The following RBMS3 variants were observed in gnomAD, a reference collection of about 807,000 sequenced individuals.
RBMS3 encodes RNA binding motif single stranded interacting protein 3.
Under a neutral mutation model 66.8 loss-of-function variants are expected in RBMS3, and 27 were observed. The observed-to-expected ratio is 0.40, with a 90% confidence interval of 0.30 to 0.56. The LOEUF (loss-of-function observed/expected upper bound fraction) is 0.56, where lower values mean the gene tolerates loss of function less well. RBMS3 is among the 20% of genes least tolerant of loss of function. The pLI, the probability that RBMS3 is intolerant of heterozygous loss-of-function variation, is 0.40. For synonymous variants in RBMS3, 188 were observed against 183.0 expected, an observed-to-expected ratio of 1.03 and a Z score of -0.22; for missense variants, 513 against 549.5, an observed-to-expected ratio of 0.93 and a Z score of 0.66.
At chr3:29,598,643 T>G (rs11129368) in intron 4 of RBMS3, among the ~76,000 whole-genome samples, 48,158 of 151,888 alleles carry the variant, frequency 0.32, 8,743 homozygotes, top group African/African-American at 0.5. Flanking sequence ...TGATATTGCA[T>G]TCATTCCTGC....
chr3:29,511,116 T>C (rs2148955163), intron 3 of RBMS3, among the ~76,000 whole-genome samples: 1 of 152,080 alleles, frequency 6.6e-6, no homozygotes, highest in Non-Finnish European at 1.5e-5. Flanking sequence ...GCTAACATGG[T>C]GAAACTCTGC....
intron 4 of RBMS3, among the ~76,000 whole-genome samples, chr3:29,686,387 T>G (rs1484809092): frequency 6.6e-6 from 1 of 152,198 alleles, no homozygotes; most frequent in East Asian, 1.9e-4. Flanking sequence ...GTTCTGATAT[T>G]TTAAACAAAA....
chr3:29,931,326 G>GT (rs1367787899), intron 10 of RBMS3, among the ~76,000 whole-genome samples: 1 of 152,148 alleles, frequency 6.6e-6, no homozygotes, highest in African/African-American at 2.4e-5. Context: ...GGGGAAGGAG[G>GT]TATTAAGTGC....
intron 1 of RBMS3, among the ~76,000 whole-genome samples, chr3:29,295,703 G>T (rs1003358316): frequency 2.6e-5 from 4 of 151,428 alleles, no homozygotes; most frequent in African/African-American, 9.7e-5. Context: ...GTTTTTTATT[G>T]TCATATTAAT....
At chr3:29,995,079 G>A (rs1699129468) in intron 14 of RBMS3, among the ~76,000 whole-genome samples, 1 of 152,346 alleles carries the variant, frequency 6.6e-6, no homozygotes, top group South Asian at 2.1e-4. Context: ...AGTGCTTAAA[G>A]GAGCTGATGG....
At chr3:29,911,140 G>C (rs945110335) in intron 10 of RBMS3, among the ~76,000 whole-genome samples, 17 of 152,158 alleles carry the variant, frequency 1.1e-4, no homozygotes, top group African/African-American at 3.9e-4. Flanking sequence ...TCACAGAGGA[G>C]GTAACTCCTG....
At chr3:29,366,535 C>A (rs7641642) in intron 1 of RBMS3, among the ~76,000 whole-genome samples, 94,368 of 151,618 alleles carry the variant, frequency 0.62, 29,914 homozygotes, top group Non-Finnish European at 0.69. Flanking sequence ...TATGAGCCAC[C>A]AGGCTGAGCT....
chr3:29,995,153 A>T (rs1699135049), intron 14 of RBMS3, among the ~76,000 whole-genome samples: 1 of 152,228 alleles, frequency 6.6e-6, no homozygotes, highest in Admixed American at 6.5e-5. Flanking sequence ...CGATGCGATC[A>T]ACTGGAAGAA....
At chr3:29,331,192 A>G (rs562320948) in intron 1 of RBMS3, among the ~76,000 whole-genome samples, 1 of 152,116 alleles carries the variant, frequency 6.6e-6, no homozygotes, top group African/African-American at 2.4e-5. Context: ...ATCTCTCTGA[A>G]TACCTTTTTA....
intron 4 of RBMS3, among the ~76,000 whole-genome samples, chr3:29,615,493 C>T (rs895625187): frequency 2.0e-5 from 3 of 151,984 alleles, no homozygotes; most frequent in African/African-American, 7.2e-5. Flanking sequence ...CACACACACA[C>T]ACATAAAATG....
At chr3:29,332,043 G>A (rs998370008) in intron 1 of RBMS3, among the ~76,000 whole-genome samples, 13 of 151,884 alleles carry the variant, frequency 8.6e-5, no homozygotes, top group African/African-American at 2.7e-4. Context: ...CAGCTCCTCC[G>A]TAGTTGGTTG....
At chr3:29,347,411 A>G (rs1048376211) in intron 1 of RBMS3, among the ~76,000 whole-genome samples, 7 of 152,196 alleles carry the variant, frequency 4.6e-5, no homozygotes, top group African/African-American at 1.7e-4. Context: ...AAATTGATAG[A>G]GGAAAGGTCT....
At chr3:29,911,398 C>T (rs1001778411) in intron 10 of RBMS3, among the ~76,000 whole-genome samples, 1 of 152,076 alleles carries the variant, frequency 6.6e-6, no homozygotes, top group Non-Finnish European at 1.5e-5. Context: ...GAAGGTATCA[C>T]TTAATCATGA....
chr3:29,944,588 A>T (rs918068128), intron 12 of RBMS3, among the ~76,000 whole-genome samples: 11 of 151,810 alleles, frequency 7.2e-5, no homozygotes, highest in South Asian at 6.2e-4. Context: ...GAAAAGTGGG[A>T]AAATAATTTT....
In RBMS3 at chr3:29,353,371, T is replaced by A. The variant is rs2037036956; in HGVS notation, c.75+71615T>A. Among the ~76,000 whole-genome samples the A allele has an allele frequency of 2.6e-5, 4 of 152,016 alleles. No individual in the cohort carries two copies. The South Asian group carries it at 8.3e-4, about 31-fold the overall frequency. On this transcript the variant is annotated intron_variant, in intron 1 of 14. Transcript: ENST00000383767. Reference sequence around the variant, plus strand: ...GATATTTTTATTATCAGGAGTTTTTTATTATTAATATTAGACGAGCTCTGT... The same window carrying A: ...GATATTTTTATTATCAGGAGTTTTTAATTATTAATATTAGACGAGCTCTGT...
At chr3:29,363,387 C>G (rs1575619717) in intron 1 of RBMS3, among the ~76,000 whole-genome samples, 1 of 152,228 alleles carries the variant, frequency 6.6e-6, no homozygotes. Flanking sequence ...TACAGAGACT[C>G]TCTAATCCAA....
At chr3:29,748,269 A>G (rs1258570650) in intron 5 of RBMS3, among the ~76,000 whole-genome samples, 1 of 152,168 alleles carries the variant, frequency 6.6e-6, no homozygotes, top group Non-Finnish European at 1.5e-5. Flanking sequence ...AATAGAAAGG[A>G]AACAAAATTG....
intron 1 of RBMS3, among the ~76,000 whole-genome samples, chr3:29,352,551 G>C (rs2036978507): frequency 6.6e-6 from 1 of 152,022 alleles, no homozygotes; most frequent in African/African-American, 2.4e-5. Flanking sequence ...AGGTATTTGA[G>C]GTATCCATCA....
intron 6 of RBMS3, among the ~76,000 whole-genome samples, chr3:29,799,488 A>G (rs914540267): frequency 5.3e-5 from 8 of 152,168 alleles, no homozygotes; most frequent in Non-Finnish European, 8.8e-5. Flanking sequence ...AACAACAAAA[A>G]CGAAATCCTG....
Sources: gnomAD v4.1 joint callset for allele counts (sites outside exome capture counted in the v4.1 genomes callset) on GRCh38, gnomAD v4.1.1 for gene constraint, MANE v1.5 for transcripts, NCBI Gene and HGNC (gene_info 2026-07-23, HGNC 2026-07-21) for gene names.